EPN2: variants seen among roughly 807,000 people sequenced by gnomAD.
EPN2 encodes the protein epsin-2.
In EPN2, 34 loss-of-function variants were observed where a neutral mutation model predicts 61.7. The ratio of observed to expected loss-of-function variants is 0.55; its 90% CI spans 0.42 to 0.73. EPN2 has a LOEUF of 0.73. EPN2 is among the 30% of genes least tolerant of loss of function. The probability of loss-of-function intolerance (pLI) is 0.00; values close to 1 mark genes in which losing one functional copy is unlikely to be tolerated. For synonymous variants in EPN2, 349 were observed against 353.6 expected, an observed-to-expected ratio of 0.99 and a Z score of 0.15; for missense variants, 714 against 839.2, an observed-to-expected ratio of 0.85 and a Z score of 1.84.
At chr17:19,325,432 C>A (rs1435214657) in intron 7 of EPN2, among the ~76,000 whole-genome samples, 2 of 152,194 alleles carry the variant, frequency 1.3e-5, no homozygotes, top group Admixed American at 6.5e-5. Flanking sequence ...AGAACCAACT[C>A]ATTAGAAAAT....
chr17:19,308,232 C>T (rs1301503835), intron 4 of EPN2: 2 of 495,688 alleles, frequency 4.0e-6, no homozygotes, highest in Non-Finnish European at 5.2e-6. Flanking sequence ...CGCCACCACA[C>T]CCAGCTAATT....
At chr17:19,286,610 G>A (rs1341916215) in intron 4 of EPN2, among the ~76,000 whole-genome samples, 1 of 152,200 alleles carries the variant, frequency 6.6e-6, no homozygotes, top group Non-Finnish European at 1.5e-5. Context: ...GCACGACAGA[G>A]AGCTTTTGTG....
At chr17:19,325,674 A>G (rs978595154) in intron 7 of EPN2, among the ~76,000 whole-genome samples, 2 of 152,246 alleles carry the variant, frequency 1.3e-5, no homozygotes, top group Non-Finnish European at 2.9e-5. Flanking sequence ...AGAGCAAGAC[A>G]AGGATACCAA....
At chr17:19,331,229 G>A (rs893789323) in intron 9 of EPN2, among the ~76,000 whole-genome samples, 7 of 152,218 alleles carry the variant, frequency 4.6e-5, no homozygotes, top group African/African-American at 1.7e-4. Flanking sequence ...TTTTGCTACT[G>A]TAAATGATGC....
rs575114070 is a variant in EPN2 at position 19,322,873 on chromosome 17, GCCAAGGAGTCTCCTCTTCACCTGT to G, written c.1148-5834_1148-5811del. ...TAGCAGTTGGTTCATCTTTTTGAAA[GCCAAGGAGTCTCCTCTTCACCTGT>G]CCATCCTTGAGCAGCAGAGCTGGGG... On this transcript the variant is annotated intron_variant, in intron 7 of 10. Coordinates refer to ENST00000314728, the MANE Select transcript of EPN2 (RefSeq NM_014964.5). Among the ~76,000 whole-genome samples the G allele has an allele frequency of 6.1e-3, 926 of 152,252 alleles. 4 individuals carry two copies. Among genetic ancestry groups the G allele is most frequent in the Non-Finnish European group, 9.5e-3 (646 of 68,006 alleles).
At chr17:19,301,213 TTC>T (rs1417705334) in intron 4 of EPN2, among the ~76,000 whole-genome samples, 1 of 152,092 alleles carries the variant, frequency 6.6e-6, no homozygotes, top group Non-Finnish European at 1.5e-5. Flanking sequence ...GTGTCTGTGT[TTC>T]TATCTCTTCT....
At position 19,312,075 on chromosome 17, in the gene EPN2, T is replaced by C; in HGVS notation, c.903T>C (p.Asp301=). The change falls in exon 6 of 11, where the codon GAT becomes GAC. Residue 301 remains aspartate, a synonymous_variant. Transcript: ENST00000314728. The part of the protein sequence containing the change: ...AEQEERLRRG[D]DLRLQMALEE... ...AGGAAGAACGCCTCAGGCGGGGTGA[T>C]GACCTCAGATTACAGATGGCCCTGG... 1 of 1,614,044 alleles carries C rather than the reference T, an allele frequency of 6.2e-7. No homozygotes were observed. Among genetic ancestry groups the C allele is most frequent in the Non-Finnish European group, 8.5e-7 (1 of 1,179,872 alleles).
intron 1 of EPN2, among the ~76,000 whole-genome samples, chr17:19,254,477 G>A: frequency 6.6e-6 from 1 of 152,274 alleles, no homozygotes; most frequent in South Asian, 2.1e-4. Context: ...GGAGGCAGAG[G>A]TTGCAGTGAG....
At chr17:19,314,386 G>C (rs543660551) in intron 7 of EPN2, among the ~76,000 whole-genome samples, 3 of 152,138 alleles carry the variant, frequency 2.0e-5, no homozygotes, top group Non-Finnish European at 4.4e-5. Context: ...AAGGTGTCCA[G>C]GCACCAAGAG....
intron 1 of EPN2, among the ~76,000 whole-genome samples, chr17:19,241,940 G>T (rs2044888765): frequency 6.6e-6 from 1 of 152,044 alleles, no homozygotes; most frequent in Non-Finnish European, 1.5e-5. Context: ...AAAATAATAG[G>T]TATTCATTTA....
chr17:19,278,203 TG>T (rs2045327553), intron 1 of EPN2, among the ~76,000 whole-genome samples: 1 of 152,164 alleles, frequency 6.6e-6, no homozygotes, highest in Admixed American at 6.5e-5. Flanking sequence ...CTTGAACTCC[TG>T]AGCTCAAGTG....
chr17:19,269,619 C>T (rs1470005966), intron 1 of EPN2, among the ~76,000 whole-genome samples: 1 of 152,174 alleles, frequency 6.6e-6, no homozygotes, highest in African/African-American at 2.4e-5. Flanking sequence ...TAGAACCTTC[C>T]ACATTTCAAG....
At chr17:19,252,303 C>T (rs1340445008) in intron 1 of EPN2, among the ~76,000 whole-genome samples, 1 of 152,102 alleles carries the variant, frequency 6.6e-6, no homozygotes, top group Non-Finnish European at 1.5e-5. Flanking sequence ...CTGGTTGAGC[C>T]ACCAGAGTTT....
intron 7 of EPN2, among the ~76,000 whole-genome samples, chr17:19,314,231 C>T (rs892319782): frequency 7.9e-5 from 12 of 152,026 alleles, no homozygotes; most frequent in East Asian, 1.9e-4. Flanking sequence ...AGGAACACAG[C>T]GTAATAGCAG....
chr17:19,300,095 G>T (rs1353388930), intron 4 of EPN2, among the ~76,000 whole-genome samples: 1 of 152,192 alleles, frequency 6.6e-6, no homozygotes, highest in Non-Finnish European at 1.5e-5. Context: ...CCACCTAGCT[G>T]CCCCATGGTT....
In EPN2 at chr17:19,307,631, C is replaced by T. The variant is rs117343611; in HGVS notation, c.767-2254C>T. On this transcript the variant is annotated intron_variant, in intron 4 of 10. Transcript: ENST00000314728. ...GTGCTGGGATTACAGGCGTGAGCCACTGTGCCCGGCCCGTTCCAAAGTAAA... is the reference window on the plus strand; with the variant it reads ...GTGCTGGGATTACAGGCGTGAGCCATTGTGCCCGGCCCGTTCCAAAGTAAA... Among the ~76,000 whole-genome samples, 992 of 152,358 alleles carry T rather than the reference C, an allele frequency of 6.5e-3. 53 individuals carry two copies. In the East Asian group the frequency reaches 0.12, roughly 18 times the overall value.
intron 3 of EPN2, among the ~76,000 whole-genome samples, chr17:19,284,850 C>T (rs1306991570): frequency 1.3e-5 from 2 of 152,158 alleles, no homozygotes; most frequent in Admixed American, 6.5e-5. Flanking sequence ...GAATTATTAC[C>T]GAGCTTGGAG....
chr17:19,275,226 G>T (rs545763170), intron 1 of EPN2, among the ~76,000 whole-genome samples: 2 of 152,128 alleles, frequency 1.3e-5, no homozygotes, highest in African/African-American at 4.8e-5. Flanking sequence ...TCAGGGGAGC[G>T]CCCATGCTCT....
At chr17:19,330,154 G>A (rs1907090400) in intron 9 of EPN2, among the ~76,000 whole-genome samples, 1 of 152,280 alleles carries the variant, frequency 6.6e-6, no homozygotes, top group African/African-American at 2.4e-5. Flanking sequence ...GATGCAGTGG[G>A]CCAAGTGGCC....
Sources: allele counts gnomAD v4.1 joint callset (sites outside exome capture counted in the v4.1 genomes callset), GRCh38; gene constraint gnomAD v4.1.1; transcripts MANE v1.5; gene names NCBI Gene and HGNC (gene_info 2026-07-23, HGNC 2026-07-21).